CLASP1: variants seen among roughly 807,000 people sequenced by gnomAD.
The protein encoded by CLASP1 is cytoplasmic linker associated protein 1, also known as CLIP-associating protein 1.
A neutral mutation model predicts 192.3 loss-of-function variants in CLASP1; 38 were observed. The observed-to-expected ratio is 0.20, with a 90% CI of 0.15 to 0.26. CLASP1 has a LOEUF of 0.26. Ranked by LOEUF, CLASP1 falls within the 10% of genes least tolerant of loss-of-function variation. CLASP1 has a pLI of 1.00. For missense variants in CLASP1, 1,433 were observed against 1,932.5 expected (o/e 0.74, Z 4.85); for synonymous variants, 691 against 712.8 (o/e 0.97, Z 0.49).
rs576150037 is a variant in CLASP1 at position 121,583,423 on chromosome 2, T to C, written c.195+22278A>G. Among the ~76,000 whole-genome samples the C allele has an allele frequency of 3.3e-5, 5 of 152,262 alleles. No individual in the cohort carries two copies. The South Asian group carries it at 1.0e-3, about 32-fold the overall frequency. ...AGAGCTAACTAACCTCTGGGAATTG[T>C]GATAAAATTGAAGAATAATGCATAT... On this transcript the variant is annotated intron_variant, in intron 2 of 39. Transcript: ENST00000263710.
At chr2:121,408,945 G>C (rs917345104) in intron 24 of CLASP1, 4 of 1,127,074 alleles carry the variant, frequency 3.5e-6, no homozygotes. Flanking sequence ...TACATTTTTT[G>C]GTTTTCACTA....
chr2:121,600,907 A>G (rs1303886834), intron 2 of CLASP1, among the ~76,000 whole-genome samples: 1 of 152,166 alleles, frequency 6.6e-6, no homozygotes, highest in African/African-American at 2.4e-5. Context: ...AATCACGGAC[A>G]CTCATTTTCC....
chr2:121,374,399 C>T (rs989890487), intron 34 of CLASP1, among the ~76,000 whole-genome samples: 2 of 152,236 alleles, frequency 1.3e-5, no homozygotes, highest in East Asian at 3.8e-4. Flanking sequence ...TCATGGAGAA[C>T]CTCTACTAGG....
At chr2:121,367,553 T>TCTGGGTG (rs780634314) in intron 35 of CLASP1, 35 bp downstream of exon 36, 2 of 1,612,774 alleles carry the variant, frequency 1.2e-6, no homozygotes, top group African/African-American at 2.7e-5. Flanking sequence ...GGGAAGCACT[T>TCTGGGTG]CTGGGTGGGG....
intron 35 of CLASP1, among the ~76,000 whole-genome samples, chr2:121,367,326 G>A (rs973632254): frequency 2.0e-5 from 3 of 152,220 alleles, no homozygotes; most frequent in Non-Finnish European, 4.4e-5. Flanking sequence ...ATGCTCAGCT[G>A]TGGCAGTGGC....
intron 2 of CLASP1, among the ~76,000 whole-genome samples, chr2:121,539,184 C>T (rs931689801): frequency 1.3e-5 from 2 of 152,186 alleles, no homozygotes; most frequent in East Asian, 1.9e-4. Context: ...TTCCAAAATA[C>T]GTGTGATAAT....
intron 8 of CLASP1, among the ~76,000 whole-genome samples, chr2:121,478,866 ACACAC>A (rs1399321978): frequency 3.3e-4 from 25 of 75,408 alleles, no homozygotes; most frequent in African/African-American, 5.1e-4. Flanking sequence ...CACACCACAC[ACACAC>A]CACACCACAC....
At chr2:121,530,875 A>T (rs116768084) in intron 2 of CLASP1, 13 of 689,722 alleles carry the variant, frequency 1.9e-5, no homozygotes, top group South Asian at 1.0e-4. Context: ...GGGACTTTCT[A>T]TTATAACCAT....
intron 39 of CLASP1, among the ~76,000 whole-genome samples, chr2:121,342,599 G>A (rs947996245): frequency 1.3e-5 from 2 of 152,068 alleles, no homozygotes; most frequent in African/African-American, 2.4e-5. Flanking sequence ...AAAGCTAGCA[G>A]GAGAAAACAA....
chr2:121,522,808 A>C (rs913660783), intron 6 of CLASP1, among the ~76,000 whole-genome samples: 8 of 152,232 alleles, frequency 5.3e-5, no homozygotes, highest in African/African-American at 1.9e-4. Flanking sequence ...ATCTCAAGAC[A>C]CTAAGGCTAT....
chr2:121,428,338 A>T (rs1420125002), intron 20 of CLASP1, among the ~76,000 whole-genome samples: 1 of 152,228 alleles, frequency 6.6e-6, no homozygotes, highest in Non-Finnish European at 1.5e-5. Flanking sequence ...TATGTAAAAT[A>T]CTGTTCAACC....
chr2:121,454,727 A>G (rs898232948), intron 14 of CLASP1, among the ~76,000 whole-genome samples: 3 of 152,188 alleles, frequency 2.0e-5, no homozygotes, highest in Non-Finnish European at 4.4e-5. Flanking sequence ...GAATCCCCTA[A>G]ACATCTTGCA....
intron 25 of CLASP1, among the ~76,000 whole-genome samples, chr2:121,406,005 C>G (rs2076863315): frequency 6.6e-6 from 1 of 152,178 alleles, no homozygotes; most frequent in Non-Finnish European, 1.5e-5. Flanking sequence ...AAAAATCATC[C>G]AAAGGATAAA....
At chr2:121,396,277 A>G (rs1431329042) in intron 30 of CLASP1, among the ~76,000 whole-genome samples, 2 of 152,226 alleles carry the variant, frequency 1.3e-5, no homozygotes, top group East Asian at 3.8e-4. Flanking sequence ...GCAGGCATGG[A>G]AAGTAGCACG....
chr2:121,428,367 A>G (rs1290326523), intron 20 of CLASP1, among the ~76,000 whole-genome samples: 1 of 152,254 alleles, frequency 6.6e-6, no homozygotes, highest in Non-Finnish European at 1.5e-5. Flanking sequence ...CCACAGAGGG[A>G]AGCAACACTG....
At chr2:121,583,505 T>C (rs2061421434) in intron 2 of CLASP1, among the ~76,000 whole-genome samples, 1 of 152,242 alleles carries the variant, frequency 6.6e-6, no homozygotes, top group Non-Finnish European at 1.5e-5. Flanking sequence ...TTCATGATGT[T>C]CAGACCATTT....
intron 1 of CLASP1, among the ~76,000 whole-genome samples, chr2:121,634,738 G>A (rs1020601419): frequency 1.3e-5 from 2 of 152,172 alleles, no homozygotes; most frequent in African/African-American, 4.8e-5. Context: ...CAACAGGTAC[G>A]CTCAATCAGC....
intron 1 of CLASP1, among the ~76,000 whole-genome samples, chr2:121,610,693 G>A (rs2065219131): frequency 6.8e-6 from 1 of 146,826 alleles, no homozygotes; most frequent in South Asian, 2.2e-4. Context: ...ACAGGAGAAA[G>A]AGGAACTGGA....
At chr2:121,546,492 C>T (rs1192068791) in intron 2 of CLASP1, among the ~76,000 whole-genome samples, 3 of 151,906 alleles carry the variant, frequency 2.0e-5, no homozygotes, top group African/African-American at 4.8e-5. Flanking sequence ...CAAGGCAGGA[C>T]GGTGGCCCAC....
Sources: allele counts gnomAD v4.1 joint callset (sites outside exome capture counted in the v4.1 genomes callset), GRCh38; gene constraint gnomAD v4.1.1; transcripts MANE v1.5; gene names NCBI Gene and HGNC (gene_info 2026-07-23, HGNC 2026-07-21).